The following PFKFB3 variants were observed in gnomAD, a reference collection of about 807,000 sequenced individuals.
PFKFB3 encodes 6-phosphofructo-2-kinase/fructose-2,6-bisphosphatase 3.
PFKFB3 carries 33 observed loss-of-function variants against 68.0 expected under a neutral mutation model. The observed-to-expected ratio is 0.49, with a 90% CI of 0.37 to 0.65. The LOEUF (loss-of-function observed/expected upper bound fraction) is 0.65. PFKFB3 is among the 30% of genes least tolerant of loss of function. The probability of loss-of-function intolerance (pLI) is 0.00; values close to 1 mark genes in which losing one functional copy is unlikely to be tolerated. For synonymous variants in PFKFB3, 315 were observed against 288.2 expected, an observed-to-expected ratio of 1.09 and a Z score of -0.94; for missense variants, 586 against 712.2, an observed-to-expected ratio of 0.82 and a Z score of 2.02.
At chr10:6,322,642 T>G in the PFKFB3 span, among the ~76,000 whole-genome samples, 6 of 152,244 alleles carry the variant, frequency 3.9e-5, no homozygotes, top group Admixed American at 3.9e-4. Flanking sequence ...AACACTGATG[T>G]CCTTTTCAGA....
Position 6,154,636 on chromosome 10 carries a change from G to C in PFKFB3, c.16+9623G>C, listed in dbSNP as rs1841709774. On this transcript the variant is annotated intron_variant, in intron 1 of 14. Transcript: ENST00000379789. This position sits in a 1 kb window ranked among gnomAD's most constrained non-coding sequence, Gnocchi z 4.6. Reference sequence around the variant, plus strand: ...CTGTGGGGTGGCGGGGGAGGCAGGAGACCAGGTGGGAGTCTCTGGGCCTGC... The same window carrying C: ...CTGTGGGGTGGCGGGGGAGGCAGGACACCAGGTGGGAGTCTCTGGGCCTGC... 1.3e-5 allele frequency among the ~76,000 whole-genome samples: 2 copies of C among 152,202 alleles called. No individual in the cohort carries two copies. The highest frequency in any genetic ancestry group is 4.1e-4 in the South Asian group (2 of 4,826).
the PFKFB3 span, among the ~76,000 whole-genome samples, chr10:6,313,028 G>T: frequency 6.6e-6 from 1 of 152,190 alleles, no homozygotes; most frequent in Non-Finnish European, 1.5e-5. The surrounding 1 kb of genome is among the most constrained non-coding windows in gnomAD (Gnocchi z 4.2). Flanking sequence ...TATGAACTGG[G>T]GGGTAGAATA....
intron 1 of PFKFB3, among the ~76,000 whole-genome samples, chr10:6,210,364 G>GTTTTTTTTTTTTTTTTTGT (rs1375867755): frequency 1.7e-5 from 1 of 58,638 alleles, no homozygotes; most frequent in African/African-American, 4.1e-5. Context: ...TTGTTTTTTT[G>GTTTTTTTTTTTTTTTTTGT]TTTTTTTTTT....
chr10:6,320,067 GGCAT>G, the PFKFB3 span, among the ~76,000 whole-genome samples: 4 of 152,066 alleles, frequency 2.6e-5, no homozygotes, highest in African/African-American at 9.7e-5. Context: ...CTGGGGTGGT[GGCAT>G]GCACCTGTGG....
Position 6,215,293 on chromosome 10 carries a change from A to G in PFKFB3, c.275A>G (p.Asn92Ser). ...YSSYNFFRPD[N>S]EEAMKVRKQC... is the part of the protein sequence containing the mutation. ...TCCTACAACTTCTTCCGCCCCGACA[A>G]TGAGGAAGCCATGAAAGTCCGGAAG... Residue 92 changes from asparagine to serine, a missense_variant, in exon 3 of 15, where the codon AAT becomes AGT. Asn to Ser is a conservative substitution (Grantham distance 46, BLOSUM62 1). Coordinates refer to ENST00000379775, the MANE Select transcript of PFKFB3 (RefSeq NM_004566.4). The surrounding 1 kb of genome is among the most constrained non-coding windows in gnomAD (Gnocchi z 4.3). 8 of 1,613,872 alleles carry G rather than the reference A, an allele frequency of 5.0e-6. No homozygotes were observed. Among genetic ancestry groups the G allele is most frequent in the Non-Finnish European group, 6.8e-6 (8 of 1,179,904 alleles).
At chr10:6,226,470 T>C (rs1845364084) in intron 14 of PFKFB3, 105 bp downstream of exon 14, 2 of 1,047,374 alleles carry the variant, frequency 1.9e-6, no homozygotes, top group Admixed American at 2.6e-5. Context: ...CGTGCGTGGG[T>C]GCGTGTGGGT....
chr10:6,198,400 A>G (rs1267654341), upstream of PFKFB3, among the ~76,000 whole-genome samples: 1 of 152,244 alleles, frequency 6.6e-6, no homozygotes, highest in East Asian at 1.9e-4. Context: ...GAGCCAGGCT[A>G]TGGCTGCTGT....
At position 6,210,506 on chromosome 10, in the gene PFKFB3, G is replaced by A. The variant is rs1308459251; in HGVS notation, c.77-3117G>A. Reference sequence around the variant, plus strand: ...CTCCCGAGTAGCTGGGACTACAGGCGCCCGCCAACATGGCCGGCTAATTTT... The same window carrying A: ...CTCCCGAGTAGCTGGGACTACAGGCACCCGCCAACATGGCCGGCTAATTTT... On this transcript the variant is annotated intron_variant, in intron 1 of 14. Coordinates refer to ENST00000379775, the MANE Select transcript of PFKFB3 (RefSeq NM_004566.4). Among the ~76,000 whole-genome samples, 20 of 115,216 alleles carry A rather than the reference G, an allele frequency of 1.7e-4. 3 individuals carry two copies. The East Asian group carries it at 2.5e-3, about 14-fold the overall frequency. 75.6% of individuals were successfully genotyped at this position (115,216 alleles called of 152,430 possible).
chr10:6,244,525 C>T (rs972052032), intron 14 of PFKFB3, among the ~76,000 whole-genome samples: 3 of 152,156 alleles, frequency 2.0e-5, no homozygotes, highest in Non-Finnish European at 4.4e-5. Context: ...TTAGCAGGTG[C>T]TCTGGGGCAG....
chr10:6,265,952 G>A, the PFKFB3 span, among the ~76,000 whole-genome samples: 1 of 150,962 alleles, frequency 6.6e-6, no homozygotes, highest in African/African-American at 2.4e-5. Flanking sequence ...GTTCTGTTAC[G>A]TAGGTGGGAG....
chr10:6,310,755 G>T, the PFKFB3 span, among the ~76,000 whole-genome samples: 3 of 152,102 alleles, frequency 2.0e-5, no homozygotes, highest in African/African-American at 4.8e-5. Context: ...TTTAAATCTT[G>T]AATAAGACAT....
At chr10:6,208,767 CG>C (rs1247068818) in intron 1 of PFKFB3, among the ~76,000 whole-genome samples, 1 of 152,092 alleles carries the variant, frequency 6.6e-6, no homozygotes, top group Non-Finnish European at 1.5e-5. Context: ...AGTAGGAACC[CG>C]GGGGTGCCAG....
intron 1 of PFKFB3, among the ~76,000 whole-genome samples, chr10:6,208,364 A>G (rs981709391): frequency 1.3e-5 from 1 of 79,896 alleles, no homozygotes; most frequent in African/African-American, 6.2e-5. Flanking sequence ...AAGCCAGGGT[A>G]CCTGGCCTTT....
intron 6 of PFKFB3, among the ~76,000 whole-genome samples, chr10:6,219,273 C>T (rs1258029506): frequency 3.3e-5 from 5 of 152,200 alleles, no homozygotes; most frequent in Admixed American, 2.0e-4. Context: ...GACTCGGGCA[C>T]GGGACAGATC....
In PFKFB3 at chr10:6,228,728, T is replaced by TC. The variant is rs1845527165; in HGVS notation, c.1515+2367dup. 6.6e-6 allele frequency among the ~76,000 whole-genome samples: 1 copy of TC among 151,948 alleles called. No homozygotes were observed. The highest frequency in any genetic ancestry group is 1.5e-5 in the Non-Finnish European group (1 of 67,980). ...GGGGCCTGAGCTCTGAGCCTCTCCCTCCCCATGAGGACCCCCCACACCCCA... is the reference window on the plus strand; with the variant it reads ...GGGGCCTGAGCTCTGAGCCTCTCCCTCCCCCATGAGGACCCCCCACACCCCA... On this transcript the variant is annotated intron_variant, in intron 14 of 14. Transcript: ENST00000379775. The surrounding 1 kb of genome is among the most constrained non-coding windows in gnomAD (Gnocchi z 4.5).
intron 1 of PFKFB3, among the ~76,000 whole-genome samples, chr10:6,148,689 G>A (rs1336757399): frequency 5.3e-5 from 8 of 152,206 alleles, no homozygotes; most frequent in African/African-American, 1.4e-4. Flanking sequence ...AGCTGGACAC[G>A]GAGAGGAAAG....
At chr10:6,210,581 A>ACC (rs1588486970) in intron 1 of PFKFB3, among the ~76,000 whole-genome samples, 3 of 52,536 alleles carry the variant, frequency 5.7e-5, no homozygotes, top group East Asian at 3.2e-4. Context: ...GATAGTCTTG[A>ACC]TAGTGTTTTT....
the PFKFB3 span, among the ~76,000 whole-genome samples, chr10:6,262,468 A>AAAG: frequency 7.5e-5 from 11 of 146,994 alleles, 2 homozygotes; most frequent in African/African-American, 1.5e-4. Flanking sequence ...AAAAAAAAAA[A>AAAG]AAAAAAAAAA....
chr10:6,190,873 G>C (rs112909037), intron 1 of PFKFB3, among the ~76,000 whole-genome samples: 17 of 152,258 alleles, frequency 1.1e-4, no homozygotes, highest in Non-Finnish European at 2.4e-4. Context: ...CCGCCTCCCC[G>C]GTTCAAGGAA....
Sources: allele counts gnomAD v4.1 joint callset (sites outside exome capture counted in the v4.1 genomes callset), GRCh38; gene constraint gnomAD v4.1.1; non-coding constraint Gnocchi (gnomAD v3.1); transcripts MANE v1.5; gene names NCBI Gene and HGNC (gene_info 2026-07-23, HGNC 2026-07-21).